Variants in CSNK1G2 observed in about 807,000 individuals in gnomAD.
The protein encoded by CSNK1G2 is casein kinase I isoform gamma-2.
Under a neutral mutation model 48.0 loss-of-function variants are expected in CSNK1G2, and 11 were observed. The observed-to-expected ratio is 0.23, with a 90% CI of 0.14 to 0.38. The LOEUF is 0.38. Among genes scored for constraint, CSNK1G2 ranks in the 10% least tolerant of loss-of-function variants. CSNK1G2 has a pLI of 1.00. For missense variants in CSNK1G2, 446 were observed against 595.5 expected, an observed-to-expected ratio of 0.75 and a Z score of 2.61; for synonymous variants, 337 against 254.1, an observed-to-expected ratio of 1.33 and a Z score of -3.10.
chr19:1,948,022 A>G (rs1259098774), intron 1 of CSNK1G2, among the ~76,000 whole-genome samples: 1 of 152,080 alleles, frequency 6.6e-6, no homozygotes, highest in Admixed American at 6.5e-5. Flanking sequence ...GTTCCTCTGA[A>G]AGCTTCGTGG....
chr19:1,969,557 C>CGGG lies in CSNK1G2; in HGVS notation c.-216_-215insGGG. The CGGG allele has an allele frequency of 2.6e-6, 1 of 381,722 alleles. No homozygotes were observed. Among genetic ancestry groups the CGGG allele is most frequent in the Non-Finnish European group, 4.7e-6 (1 of 215,044 alleles). 23.6% of individuals were successfully genotyped at this position (381,722 alleles called of 1,614,324 possible). ...GTGGGATGTGTCAGCAGAATGTCTC[C>CGGG]TGCCCCCGAGAGCGACCCCGAGGCC... On this transcript the variant is annotated 5_prime_UTR_variant, in exon 2 of 12. Coordinates refer to ENST00000255641, the MANE Select transcript of CSNK1G2 (RefSeq NM_001319.7).
chr19:1,953,958 T>C (rs747164345), intron 1 of CSNK1G2: 9 of 533,728 alleles, frequency 1.7e-5, no homozygotes, highest in Middle Eastern at 6.3e-4. Context: ...GCTTCTGCCA[T>C]GGACGGGGCC....
rs766993473 is a variant in CSNK1G2 at position 1,979,859 on chromosome 19, G to A, written c.1086+24G>A. ...AGGTGAGGCCCGGGCGGGACCGACCGCCCCAGGGAGGGGCATGGGCGGCCA... is the reference window on the plus strand; with the variant it reads ...AGGTGAGGCCCGGGCGGGACCGACCACCCCAGGGAGGGGCATGGGCGGCCA... On this transcript the variant is annotated intron_variant, in intron 10 of 11. Transcript: ENST00000255641. 3.7e-6 allele frequency: 6 copies of A among 1,602,536 alleles called. No homozygotes were observed. In the East Asian group the frequency reaches 6.8e-5, roughly 18 times the overall value.
intron 1 of CSNK1G2, among the ~76,000 whole-genome samples, chr19:1,956,416 A>G (rs1287291211): frequency 6.6e-6 from 1 of 152,196 alleles, no homozygotes; most frequent in Non-Finnish European, 1.5e-5. Context: ...ACCTGGGAGG[A>G]TGAGGCGGGA....
chr19:1,941,214 G>T lies in CSNK1G2; in HGVS notation c.-470G>T, dbSNP rs2014343180. ...GGCGCGCGGGCCCCGGAGCGGGCGC[G>T]GCGGAGCGCGGCGAGCCCGGCGCCT... On this transcript the variant is annotated 5_prime_UTR_variant, in exon 1 of 12. Transcript: ENST00000255641. 1 of 146,092 alleles carries T rather than the reference G, an allele frequency of 6.8e-6. No individual in the cohort carries two copies. Among genetic ancestry groups the T allele is most frequent in the South Asian group, 2.1e-4 (1 of 4,828 alleles). The allele number at this position is 146,092 out of a possible 1,614,324, so 9.0% of individuals were successfully genotyped here.
intron 1 of CSNK1G2, among the ~76,000 whole-genome samples, chr19:1,944,347 C>A (rs1210861435): frequency 4.6e-5 from 7 of 152,152 alleles, no homozygotes; most frequent in African/African-American, 7.2e-5. Context: ...TCTGCTTCTT[C>A]CTCATTCTGG....
intron 1 of CSNK1G2, among the ~76,000 whole-genome samples, chr19:1,961,046 G>A (rs1055338827): frequency 1.3e-5 from 2 of 152,226 alleles, no homozygotes; most frequent in African/African-American, 4.8e-5. Context: ...TTCGGGCTCC[G>A]GTTTCCTCTC....
intron 2 of CSNK1G2, chr19:1,976,017 A>G (rs2015740800): frequency 8.0e-7 from 1 of 1,255,444 alleles, no homozygotes; most frequent in African/African-American, 1.5e-5. Flanking sequence ...CCTGGGCAAC[A>G]GAACGAGACT....
intron 1 of CSNK1G2, among the ~76,000 whole-genome samples, chr19:1,941,654 C>T (rs1193712586): frequency 6.7e-6 from 1 of 149,978 alleles, no homozygotes; most frequent in Non-Finnish European, 1.5e-5. Context: ...CTCGGGACCC[C>T]AGCGTCCCCC....
intron 1 of CSNK1G2, among the ~76,000 whole-genome samples, chr19:1,942,886 T>A (rs1238544112): frequency 1.3e-5 from 2 of 152,170 alleles, no homozygotes; most frequent in Non-Finnish European, 2.9e-5. Context: ...CGCTCTGGGC[T>A]GGGCTGACTG....
intron 1 of CSNK1G2, among the ~76,000 whole-genome samples, chr19:1,951,285 C>T (rs1027127622): frequency 2.1e-5 from 3 of 144,724 alleles, no homozygotes; most frequent in South Asian, 2.2e-4. Context: ...CGCCTGTAGT[C>T]CCAGCTACTC....
Position 1,979,845 on chromosome 19 carries a change from G to C in CSNK1G2, c.1086+10G>C, listed in dbSNP as rs747208904. On this transcript the variant is annotated intron_variant, in intron 10 of 11. Coordinates refer to ENST00000255641, the MANE Select transcript of CSNK1G2 (RefSeq NM_001319.7). ...GCACAGCAAAAACCAGGTGAGGCCCGGGCGGGACCGACCGCCCCAGGGAGG... is the reference window on the plus strand; with the variant it reads ...GCACAGCAAAAACCAGGTGAGGCCCCGGCGGGACCGACCGCCCCAGGGAGG... 1.2e-6 allele frequency: 2 copies of C among 1,602,136 alleles called. No individual in the cohort carries two copies. Among genetic ancestry groups the C allele is most frequent in the Non-Finnish European group, 1.7e-6 (2 of 1,175,094 alleles).
intron 1 of CSNK1G2, among the ~76,000 whole-genome samples, chr19:1,955,988 C>T (rs757357295): frequency 9.2e-5 from 14 of 152,194 alleles, no homozygotes; most frequent in Admixed American, 8.5e-4. Context: ...GTTGGCCGGG[C>T]GGAGCAGGGT....
intron 1 of CSNK1G2, among the ~76,000 whole-genome samples, chr19:1,947,526 T>C (rs981705089): frequency 6.6e-6 from 1 of 152,184 alleles, no homozygotes; most frequent in Non-Finnish European, 1.5e-5. Context: ...CTGGGGACAG[T>C]TCCCAGGACG....
chr19:1,973,870 G>A (rs1304427646), intron 2 of CSNK1G2, among the ~76,000 whole-genome samples: 1 of 152,062 alleles, frequency 6.6e-6, no homozygotes, highest in East Asian at 1.9e-4. Context: ...GCCACAGACT[G>A]GGTCATTTAT....
In CSNK1G2 at chr19:1,957,209, C is replaced by G. The variant is rs1462563393; in HGVS notation, c.-265-12299C>G. 6.6e-6 allele frequency among the ~76,000 whole-genome samples: 1 copy of G among 152,146 alleles called. No individual in the cohort carries two copies. The highest frequency in any genetic ancestry group is 2.4e-5 in the African/African-American group (1 of 41,422). ...CTCCCTCCAGGCAGCCCCACAGGCC[C>G]GAGGGCCACCGTGTCAGGAGGGATA... On this transcript the variant is annotated intron_variant, in intron 1 of 11. Transcript: ENST00000255641. This position sits in a 1 kb window ranked among gnomAD's most constrained non-coding sequence, Gnocchi z 5.4.
chr19:1,956,546 G>T (rs905154970), intron 1 of CSNK1G2, among the ~76,000 whole-genome samples: 9 of 152,180 alleles, frequency 5.9e-5, no homozygotes, highest in Non-Finnish European at 1.3e-4. Flanking sequence ...ATCCTAGCCG[G>T]CAAGGCCACT....
chr19:1,952,095 G>C (rs962045458), intron 1 of CSNK1G2, among the ~76,000 whole-genome samples: 3 of 152,204 alleles, frequency 2.0e-5, no homozygotes, highest in African/African-American at 7.2e-5. Flanking sequence ...CTGGGGGCTA[G>C]GACTTGGCAT....
intron 2 of CSNK1G2, among the ~76,000 whole-genome samples, chr19:1,973,926 T>A (rs899751364): frequency 6.6e-6 from 1 of 152,108 alleles, no homozygotes; most frequent in Admixed American, 6.6e-5. Flanking sequence ...CTTGCTCTGT[T>A]GCCCAGGCTG....
Sources: allele counts gnomAD v4.1 joint callset (sites outside exome capture counted in the v4.1 genomes callset), GRCh38; gene constraint gnomAD v4.1.1; non-coding constraint Gnocchi (gnomAD v3.1); transcripts MANE v1.5; gene names NCBI Gene and HGNC (gene_info 2026-07-23, HGNC 2026-07-21).